Variants in RAB3D observed in about 807,000 individuals in gnomAD.
RAB3D encodes ras-related protein Rab-3D.
Under a neutral mutation model 19.3 loss-of-function variants are expected in RAB3D, and 17 were observed. That is an observed-to-expected ratio of 0.88 (90% CI 0.60 to 1.32). RAB3D has a LOEUF of 1.32. RAB3D is among the 40% of genes most tolerant of loss of function. RAB3D has a pLI of 0.00. For synonymous variants in RAB3D, 103 were observed against 119.9 expected, an observed-to-expected ratio of 0.86 and a Z score of 0.92; for missense variants, 223 against 299.1, an observed-to-expected ratio of 0.75 and a Z score of 1.88.
At position 11,335,794 on chromosome 19, in the gene RAB3D, G is replaced by A; in HGVS notation, c.229-11C>T. 6.2e-7 allele frequency: 1 copy of A among 1,611,794 alleles called. No individual in the cohort carries two copies. The highest frequency in any genetic ancestry group is 1.1e-5 in the South Asian group (1 of 91,036). On this transcript the variant is annotated splice_polypyrimidine_tract_variant and intron_variant, in intron 2 of 4. Transcript: ENST00000222120. ...CTGGCCCGCTGTGTCCTGGACAAAT[G>A]GCAGTGGCAGTTGGCTGGGAACTAC...
At chr19:11,332,738 C>A (rs538363369) in intron 4 of RAB3D, among the ~76,000 whole-genome samples, 1 of 152,096 alleles carries the variant, frequency 6.6e-6, no homozygotes, top group Non-Finnish European at 1.5e-5. Context: ...AATTCAGTCT[C>A]CAGAGTAGCT....
In RAB3D at chr19:11,323,206, T is replaced by C. The variant is rs2080791270; in HGVS notation, c.*2192A>G. On this transcript the variant is annotated 3_prime_UTR_variant, in exon 5 of 5. Transcript: ENST00000222120. Reference sequence around the variant, plus strand: ...AGTTTGACTTTAGTGTTAAAGTAGCTAAAAATTTTTGACTCCCGCCCACAT... The same window carrying C: ...AGTTTGACTTTAGTGTTAAAGTAGCCAAAAATTTTTGACTCCCGCCCACAT... The C allele has an allele frequency of 6.6e-6, 1 of 152,130 alleles. No individual in the cohort carries two copies. Among genetic ancestry groups the C allele is most frequent in the African/African-American group, 2.4e-5 (1 of 41,418 alleles). The allele number at this position is 152,130 out of a possible 1,614,324, so 9.4% of individuals were successfully genotyped here.
chr19:11,327,015 C>T (rs1008372166), intron 4 of RAB3D: 3 of 477,240 alleles, frequency 6.3e-6, no homozygotes, highest in African/African-American at 2.0e-5. Flanking sequence ...GGAATTCAGA[C>T]AAACGCCTGC....
In RAB3D at chr19:11,337,104, A is replaced by G. The variant is rs1966902387; in HGVS notation, c.228+68T>C. On this transcript the variant is annotated intron_variant, in intron 2 of 4. Transcript: ENST00000222120. ...GTGAGACTCCGTCTCAAAAAAAAAAAAAGAACCCTCCAATGAACTTTCCTG... is the reference window on the plus strand; with the variant it reads ...GTGAGACTCCGTCTCAAAAAAAAAAGAAGAACCCTCCAATGAACTTTCCTG... The G allele has an allele frequency of 9.4e-6, 13 of 1,379,822 alleles. No homozygotes were observed. In the South Asian group the frequency reaches 1.6e-4, roughly 17 times the overall value. The allele number at this position is 1,379,822 out of a possible 1,614,324, so 85.5% of individuals were successfully genotyped here. A position where few individuals can be genotyped will look rare whatever the true frequency, so the allele number is the denominator to read the frequency against.
intron 4 of RAB3D, among the ~76,000 whole-genome samples, chr19:11,334,700 A>G (rs1346865599): frequency 2.0e-5 from 3 of 152,198 alleles, no homozygotes; most frequent in Non-Finnish European, 4.4e-5. Context: ...CAAGGCGGGC[A>G]GATCACGAGG....
chr19:11,328,231 G>C (rs1172310624), intron 4 of RAB3D, among the ~76,000 whole-genome samples: 1 of 150,860 alleles, frequency 6.6e-6, no homozygotes, highest in Non-Finnish European at 1.5e-5. Flanking sequence ...CTACTTAGGA[G>C]GCTGAAGCAG....
intron 4 of RAB3D, among the ~76,000 whole-genome samples, chr19:11,331,825 C>T (rs570759477): frequency 4.0e-5 from 6 of 151,870 alleles, no homozygotes; most frequent in South Asian, 2.1e-4. Flanking sequence ...ATTTAAAAAA[C>T]GACGACGACA....
intron 4 of RAB3D, among the ~76,000 whole-genome samples, chr19:11,335,052 C>T (rs1248616598): frequency 1.3e-5 from 2 of 152,218 alleles, no homozygotes; most frequent in African/African-American, 4.8e-5. Flanking sequence ...AGAACATCCC[C>T]ATCCTTTTCC....
Position 11,326,764 on chromosome 19 carries a change from C to T in RAB3D, c.473-1179G>A, listed in dbSNP as rs138084747. On this transcript the variant is annotated intron_variant, in intron 4 of 4. Transcript: ENST00000222120. The stretch of plus-strand genomic sequence containing the variant: ...GGCTACAGGTGTGCCCCACCATGCC[C>T]GGCTAATTTTTCAATTTTTTCTTTT... The T allele has an allele frequency of 6.9e-4, 479 of 696,086 alleles. 2 individuals carry two copies. The highest frequency in any genetic ancestry group is 1.1e-3 in the Non-Finnish European group (427 of 383,048). 43.1% of individuals were successfully genotyped at this position (696,086 alleles called of 1,614,324 possible). A position where few individuals can be genotyped will look rare whatever the true frequency, so the allele number is the denominator to read the frequency against.
rs1330608506 is a variant in RAB3D at position 11,339,254 on chromosome 19, G to A, written c.-62+215C>T. ...CCTCTGTTCCCCTTCACTAGATTTGGGGCGCCCCAGCCAATGCAGGTGGAC... is the reference window on the plus strand; with the variant it reads ...CCTCTGTTCCCCTTCACTAGATTTGAGGCGCCCCAGCCAATGCAGGTGGAC... On this transcript the variant is annotated intron_variant, in intron 1 of 4. Coordinates refer to ENST00000222120, the MANE Select transcript of RAB3D (RefSeq NM_004283.4). 2.0e-5 allele frequency among the ~76,000 whole-genome samples: 3 copies of A among 152,156 alleles called. No individual in the cohort carries two copies. In the East Asian group the frequency reaches 5.8e-4, roughly 29 times the overall value.
rs904138950 is a variant in RAB3D at position 11,326,911 on chromosome 19, C to T, written c.473-1326G>A. 5.8e-5 allele frequency: 31 copies of T among 537,264 alleles called. No individual in the cohort carries two copies. In the East Asian group the frequency reaches 1.0e-3, roughly 18 times the overall value. The allele number at this position is 537,264 out of a possible 1,614,324, so 33.3% of individuals were successfully genotyped here. A position where few individuals can be genotyped will look rare whatever the true frequency, so the allele number is the denominator to read the frequency against. ...CAGCGTGAGCCACCACGCTGGGCTT[C>T]CTGCATCCTTTTAAGGTTCCTGAGG... On this transcript the variant is annotated intron_variant, in intron 4 of 4. Transcript: ENST00000222120.
chr19:11,337,087 C>G, intron 2 of RAB3D, 85 bp downstream of exon 2: 1 of 1,171,876 alleles, frequency 8.5e-7, no homozygotes, highest in East Asian at 2.4e-5. Context: ...GAGTGAGACT[C>G]CGTCTCAAAA....
chr19:11,335,636 T>TC lies in RAB3D; in HGVS notation c.347+28dup, dbSNP rs765451799. The TC allele has an allele frequency of 3.1e-6, 5 of 1,613,676 alleles. No individual in the cohort carries two copies. The African/African-American group carries it at 6.7e-5, about 22-fold the overall frequency. On this transcript the variant is annotated intron_variant, in intron 3 of 4. Coordinates refer to ENST00000222120, the MANE Select transcript of RAB3D (RefSeq NM_004283.4). Reference sequence around the variant, plus strand: ...TAGGGGTCAGAGGAGAGGGCAAAGATCAGGGGTCCATGATCAGCAAGCACT... The same window carrying TC: ...TAGGGGTCAGAGGAGAGGGCAAAGATCCAGGGGTCCATGATCAGCAAGCACT...
At position 11,323,194 on chromosome 19, in the gene RAB3D, T is replaced by G. The variant is rs903495975; in HGVS notation, c.*2204A>C. 2 of 105,770 alleles carry G rather than the reference T, an allele frequency of 1.9e-5. No homozygotes were observed. The highest frequency in any genetic ancestry group is 1.9e-4 in the African/African-American group (2 of 10,302). The allele number at this position is 105,770 out of a possible 1,614,324, so 6.6% of individuals were successfully genotyped here. A position where few individuals can be genotyped will look rare whatever the true frequency, so the allele number is the denominator to read the frequency against. ...TGAAGCTACTTTAGTTTGACTTTAG[T>G]GTTAAAGTAGCTAAAAATTTTTGAC... On this transcript the variant is annotated 3_prime_UTR_variant, in exon 5 of 5. Transcript: ENST00000222120.
chr19:11,337,109 A>T (rs1305009045), intron 2 of RAB3D, 63 bp downstream of exon 2: 1 of 1,362,640 alleles, frequency 7.3e-7, no homozygotes, highest in Non-Finnish European at 1.0e-6. Flanking sequence ...AAAAAAAAGA[A>T]CCCTCCAATG....
Position 11,335,886 on chromosome 19 carries a change from G to T in RAB3D, c.229-103C>A, listed in dbSNP as rs1471180200. 3 of 1,071,354 alleles carry T rather than the reference G, an allele frequency of 2.8e-6. No individual in the cohort carries two copies. In the African/African-American group the frequency reaches 4.7e-5, roughly 17 times the overall value. 66.4% of individuals were successfully genotyped at this position (1,071,354 alleles called of 1,614,324 possible). A position where few individuals can be genotyped will look rare whatever the true frequency, so the allele number is the denominator to read the frequency against. On this transcript the variant is annotated intron_variant, in intron 2 of 4. Coordinates refer to ENST00000222120, the MANE Select transcript of RAB3D (RefSeq NM_004283.4). ...GTACTCATAGCCCCAGCCTTACGGG[G>T]GAGACACAGACTTGCTTGTACAACC...
At chr19:11,337,147 A>T in intron 2 of RAB3D, 25 bp downstream of exon 2, 1 of 1,601,660 alleles carries the variant, frequency 6.2e-7, no homozygotes, top group South Asian at 1.1e-5. Flanking sequence ...CCCACCCCCA[A>T]CCCACAGCCA....
At chr19:11,337,874 T>A (rs920631346) in intron 1 of RAB3D, among the ~76,000 whole-genome samples, 2 of 152,010 alleles carry the variant, frequency 1.3e-5, no homozygotes, top group African/African-American at 4.8e-5. Flanking sequence ...GGTCTCATTA[T>A]GTTGCCCATG....
intron 4 of RAB3D, chr19:11,326,886 C>T: frequency 1.8e-6 from 1 of 570,998 alleles, no homozygotes; most frequent in Non-Finnish European, 3.1e-6. Context: ...CTGGGTTTAC[C>T]AGCGTGAGCC....
Sources: gnomAD v4.1 joint callset for allele counts (sites outside exome capture counted in the v4.1 genomes callset) on GRCh38, gnomAD v4.1.1 for gene constraint, MANE v1.5 for transcripts, NCBI Gene and HGNC (gene_info 2026-07-23, HGNC 2026-07-21) for gene names.